WDR64: variants seen among roughly 807,000 people sequenced by gnomAD.
WDR64 encodes the protein WD repeat-containing protein 64.
Under a neutral mutation model 139.3 loss-of-function variants are expected in WDR64, and 112 were observed. That is an observed-to-expected ratio of 0.80 (90% CI 0.69 to 0.94). WDR64 has a LOEUF of 0.94. Ranked by LOEUF, WDR64 falls within the 40% of genes least tolerant of loss-of-function variation. The pLI is 0.00. For synonymous variants in WDR64, 444 were observed against 437.7 expected, an observed-to-expected ratio of 1.01 and a Z score of -0.18; for missense variants, 1,206 against 1,293.1, an observed-to-expected ratio of 0.93 and a Z score of 1.03.
In WDR64 at chr1:241,652,646, C is replaced by T. The variant is rs1410030354; in HGVS notation, c.145+17C>T. ...ATAAAGAAGGTAAGATCAGTGATTACACGATAGTCCAATTGGGTCTGTTGG... is the reference window on the plus strand; with the variant it reads ...ATAAAGAAGGTAAGATCAGTGATTATACGATAGTCCAATTGGGTCTGTTGG... On this transcript the variant is annotated intron_variant, in intron 1 of 27. Coordinates refer to ENST00000437684, the MANE Select transcript of WDR64 (RefSeq NM_001367482.1). The T allele has an allele frequency of 6.4e-7, 1 of 1,550,832 alleles. No individual in the cohort carries two copies. The highest frequency in any genetic ancestry group is 8.7e-7 in the Non-Finnish European group (1 of 1,146,726).
intron 2 of WDR64, among the ~76,000 whole-genome samples, chr1:241,666,932 G>C (rs1666045363): frequency 6.6e-6 from 1 of 152,180 alleles, no homozygotes; most frequent in African/African-American, 2.4e-5. Context: ...GTAGAACCAA[G>C]ATTTGGACCC....
rs1304534806 is a variant in WDR64, at chr1:241,678,532, C to G, written c.513+316C>G. Among the ~76,000 whole-genome samples the G allele has an allele frequency of 1.3e-5, 2 of 151,932 alleles. 1 individual carries two copies. The highest frequency in any genetic ancestry group is 1.3e-4 in the Admixed American group (2 of 15,250). ...TGGAGAATGTAAAGAATGGACACAA[C>G]CTAAGTTGTAAGAATAAGGAGGTGG... is the stretch of plus-strand genomic sequence containing the variant. On this transcript the variant is annotated intron_variant, in intron 5 of 27. Transcript: ENST00000437684.
Position 241,800,346 on chromosome 1 carries a change from TTC to T in WDR64, c.3193-784_3193-783del, listed in dbSNP as rs767003134. ...ACATCTCCTCTTCCCTTTTTCTTCT[TTC>T]TTTCTTTATCCCCATAATAGACCAT... On this transcript the variant is annotated intron_variant, in intron 27 of 27. Transcript: ENST00000437684. Among the ~76,000 whole-genome samples, 78 of 152,328 alleles carry T rather than the reference TTC, an allele frequency of 5.1e-4. No individual in the cohort carries two copies. The Middle Eastern group carries it at 0.02, about 40-fold the overall frequency.
intron 8 of WDR64, among the ~76,000 whole-genome samples, chr1:241,691,168 T>G (rs1387082381): frequency 6.6e-6 from 1 of 152,122 alleles, no homozygotes; most frequent in East Asian, 1.9e-4. Context: ...TAACTTATAT[T>G]CTAAGAAAAT....
At chr1:241,783,138 G>A (rs1658908384) in intron 22 of WDR64, 134 bp from the exon 23 acceptor site, 2 of 727,272 alleles carry the variant, frequency 2.7e-6, no homozygotes, top group Admixed American at 3.0e-5. Context: ...TGGGGGCAAG[G>A]ACTTAATCAT....
intron 8 of WDR64, among the ~76,000 whole-genome samples, chr1:241,692,961 G>A (rs1413993197): frequency 2.0e-5 from 3 of 152,174 alleles, no homozygotes; most frequent in Admixed American, 2.0e-4. Flanking sequence ...CATTGCTGAT[G>A]GGAATGCAAA....
Position 241,801,425 on chromosome 1 carries a change from C to T in WDR64, c.*210C>T, listed in dbSNP as rs1011916810. On this transcript the variant is annotated 3_prime_UTR_variant, in exon 28 of 28. Coordinates refer to ENST00000437684, the MANE Select transcript of WDR64 (RefSeq NM_001367482.1). ...AGCAGCAAGCAGCCAGAAGTTTAGGCGGTGTTTCTTATTTACTGTCAGCAA... is the reference window on the plus strand; with the variant it reads ...AGCAGCAAGCAGCCAGAAGTTTAGGTGGTGTTTCTTATTTACTGTCAGCAA... 5.6e-5 allele frequency: 27 copies of T among 482,760 alleles called. No homozygotes were observed. Among genetic ancestry groups the T allele is most frequent in the Non-Finnish European group, 8.1e-5 (22 of 271,380 alleles). The allele number at this position is 482,760 out of a possible 1,614,324, so 29.9% of individuals were successfully genotyped here.
chr1:241,673,958 G>A (rs1666353669), intron 3 of WDR64, among the ~76,000 whole-genome samples: 1 of 152,056 alleles, frequency 6.6e-6, no homozygotes, highest in Non-Finnish European at 1.5e-5. Flanking sequence ...AAAGAAAGGA[G>A]TCCTAAAAGA....
intron 14 of WDR64, among the ~76,000 whole-genome samples, chr1:241,753,126 G>C (rs1670040978): frequency 6.6e-6 from 1 of 152,160 alleles, no homozygotes; most frequent in Non-Finnish European, 1.5e-5. Flanking sequence ...AAAATGGAAG[G>C]ACTTTTATCC....
chr1:241,763,579 C>T (rs554154999), intron 15 of WDR64, among the ~76,000 whole-genome samples: 1 of 152,132 alleles, frequency 6.6e-6, no homozygotes, highest in African/African-American at 2.4e-5. Flanking sequence ...GTGGCGTACG[C>T]CTGTAATCCT....
At chr1:241,720,257 T>A (rs1214295732) in intron 9 of WDR64, among the ~76,000 whole-genome samples, 3 of 152,220 alleles carry the variant, frequency 2.0e-5, no homozygotes, top group Non-Finnish European at 2.9e-5. Flanking sequence ...AGTGTTGCAA[T>A]TAAGATACGC....
At chr1:241,700,262 C>A (rs982941345) in intron 8 of WDR64, among the ~76,000 whole-genome samples, 1 of 150,840 alleles carries the variant, frequency 6.6e-6, no homozygotes, top group Non-Finnish European at 1.5e-5. Context: ...CAGTAGGCCA[C>A]CAATTCTTGT....
intron 20 of WDR64, among the ~76,000 whole-genome samples, chr1:241,773,592 C>T (rs1237530040): frequency 2.0e-5 from 3 of 152,122 alleles, no homozygotes; most frequent in Admixed American, 6.5e-5. Context: ...CCTCGGCCTT[C>T]GAGTAGCTGA....
intron 15 of WDR64, among the ~76,000 whole-genome samples, chr1:241,762,982 A>G (rs988895880): frequency 6.6e-6 from 1 of 152,214 alleles, no homozygotes; most frequent in African/African-American, 2.4e-5. Flanking sequence ...CAATATACAC[A>G]GTGACTATGT....
Position 241,757,310 on chromosome 1 carries a change from G to A in WDR64, c.1798G>A (p.Val600Met). Residue 600 changes from valine to methionine, a missense_variant, in exon 15 of 28, where the codon GTG becomes ATG. Coordinates refer to ENST00000437684, the MANE Select transcript of WDR64 (RefSeq NM_001367482.1). ...TAAGGAAGATGATATCTACCTCATG[G>A]TGATCTGGGAGCTGCCTGATGTTGT... Reference protein sequence around the residue: ...QGKEDDIYLMVIWELPDVVPF... With the variant: ...QGKEDDIYLMMIWELPDVVPF... 3 of 1,613,802 alleles carry A rather than the reference G, an allele frequency of 1.9e-6. No individual in the cohort carries two copies. The highest frequency in any genetic ancestry group is 2.7e-5 in the African/African-American group (2 of 75,018).
intron 15 of WDR64, among the ~76,000 whole-genome samples, chr1:241,764,896 G>T (rs1658087284): frequency 6.6e-6 from 1 of 151,994 alleles, no homozygotes. Context: ...ATGAAATAAA[G>T]AATAGAGGAC....
chr1:241,723,441 C>T lies in WDR64; in HGVS notation c.1194+5C>T. 2 of 1,611,116 alleles carry T rather than the reference C, an allele frequency of 1.2e-6. No individual in the cohort carries two copies. The highest frequency in any genetic ancestry group is 1.7e-6 in the Non-Finnish European group (2 of 1,178,586). ...GTCAGCCTTTCCTCTGCAAAGGTAA[C>T]AAAAAGAAAATAACAAAACAAAACT... On this transcript the variant is annotated splice_donor_5th_base_variant and intron_variant, in intron 10 of 27. Transcript: ENST00000437684.
chr1:241,712,485 C>G (rs1019468054), intron 9 of WDR64, among the ~76,000 whole-genome samples: 4 of 152,152 alleles, frequency 2.6e-5, no homozygotes, highest in Non-Finnish European at 5.9e-5. Flanking sequence ...ATCTTTGAGA[C>G]TCAGACTCCT....
At chr1:241,701,296 TCA>T (rs930682546) in intron 8 of WDR64, among the ~76,000 whole-genome samples, 1 of 141,734 alleles carries the variant, frequency 7.1e-6, no homozygotes, top group African/African-American at 3.1e-5. Flanking sequence ...ACACACACAC[TCA>T]CACACACAGA....
Sources: gnomAD v4.1 joint callset for allele counts (sites outside exome capture counted in the v4.1 genomes callset) on GRCh38, gnomAD v4.1.1 for gene constraint, MANE v1.5 for transcripts, NCBI Gene and HGNC (gene_info 2026-07-23, HGNC 2026-07-21) for gene names.